RABGAP1: variants seen among roughly 807,000 people sequenced by gnomAD.
RABGAP1 encodes the protein rab GTPase-activating protein 1.
A neutral mutation model predicts 137.6 loss-of-function variants in RABGAP1; 23 were observed. The ratio of observed to expected loss-of-function variants is 0.17; its 90% confidence interval spans 0.12 to 0.24. The LOEUF is 0.24. Ranked by LOEUF, RABGAP1 falls within the 10% of genes least tolerant of loss-of-function variation. RABGAP1 has a pLI of 1.00. For synonymous variants in RABGAP1, 451 were observed against 450.7 expected, an observed-to-expected ratio of 1.00 and a Z score of -0.01; for missense variants, 906 against 1,275.8, an observed-to-expected ratio of 0.71 and a Z score of 4.42.
At position 122,962,890 on chromosome 9, in the gene RABGAP1, A is replaced by G. The variant is rs781208970; in HGVS notation, c.150+5681A>G. On this transcript the variant is annotated intron_variant, in intron 2 of 25. Coordinates refer to ENST00000373647, the MANE Select transcript of RABGAP1 (RefSeq NM_012197.4). ...AGATTTAAAATAAAAGGATGGAAAA[A>G]TATAATGCAAACAGCATTATAAGAA... is the stretch of plus-strand genomic sequence containing the variant. Among the ~76,000 whole-genome samples, 23 of 152,220 alleles carry G rather than the reference A, an allele frequency of 1.5e-4. 1 individual carries two copies. Among genetic ancestry groups the G allele is most frequent in the Non-Finnish European group, 2.9e-4 (20 of 68,042 alleles).
At chr9:123,078,165 A>G (rs921501702) in intron 19 of RABGAP1, among the ~76,000 whole-genome samples, 2 of 152,122 alleles carry the variant, frequency 1.3e-5, no homozygotes, top group South Asian at 2.1e-4. Context: ...TGGCTCCCCT[A>G]TCTGTTAAAG....
chr9:122,979,962 A>T (rs1835961413), intron 2 of RABGAP1, among the ~76,000 whole-genome samples: 1 of 152,244 alleles, frequency 6.6e-6, no homozygotes, highest in Admixed American at 6.5e-5. Flanking sequence ...TTCTGCTATA[A>T]GAAGTCTGGA....
intron 13 of RABGAP1, among the ~76,000 whole-genome samples, chr9:123,047,015 C>T (rs1051963928): frequency 3.3e-5 from 5 of 152,292 alleles, no homozygotes; most frequent in Admixed American, 6.5e-5. Context: ...CCTTTAGACT[C>T]AGTCATTCCA....
Position 122,990,333 on chromosome 9 carries a change from TCTG to T in RABGAP1, c.923+121_923+123del, listed in dbSNP as rs1338081824. Reference sequence around the variant, plus strand: ...TTAAAGGGAGGGCTTTTAAAAAAAATCTGGATGATAAAGGCATATAAATACATA... The same window carrying T: ...TTAAAGGGAGGGCTTTTAAAAAAAATGATGATAAAGGCATATAAATACATA... On this transcript the variant is annotated intron_variant, in intron 6 of 25. Transcript: ENST00000373647. 8 of 890,914 alleles carry T rather than the reference TCTG, an allele frequency of 9.0e-6. No homozygotes were observed. In the East Asian group the frequency reaches 2.5e-4, roughly 28 times the overall value. 55.2% of individuals were successfully genotyped at this position (890,914 alleles called of 1,614,324 possible).
intron 9 of RABGAP1, 104 bp from the exon 10 acceptor site, chr9:122,998,493 A>G (rs1837154041): frequency 1.0e-6 from 1 of 973,788 alleles, no homozygotes; most frequent in South Asian, 2.1e-5. Flanking sequence ...CACTTAAGGT[A>G]TTTTGAAAGT....
intron 1 of RABGAP1, among the ~76,000 whole-genome samples, chr9:122,955,914 T>C (rs1360184344): frequency 2.0e-5 from 3 of 152,240 alleles, no homozygotes; most frequent in Non-Finnish European, 2.9e-5. Flanking sequence ...CCATAGCTAC[T>C]TTTGTTAATG....
intron 13 of RABGAP1, among the ~76,000 whole-genome samples, chr9:123,031,606 A>T (rs2032303100): frequency 6.6e-6 from 1 of 152,246 alleles, no homozygotes; most frequent in East Asian, 1.9e-4. Flanking sequence ...AATGCATTTG[A>T]GAACTATTGT....
intron 13 of RABGAP1, chr9:123,063,324 G>A (rs983841864): frequency 1.3e-5 from 2 of 152,662 alleles, no homozygotes; most frequent in Admixed American, 1.3e-4. Context: ...ATTCTCTCTG[G>A]ATTGTTTCCA....
intron 1 of RABGAP1, among the ~76,000 whole-genome samples, chr9:122,945,147 C>CTTTTTTTTTTTTTTTTGTTTTTT (rs202090815): frequency 1.3e-5 from 1 of 75,772 alleles, no homozygotes; most frequent in Non-Finnish European, 2.9e-5. Context: ...ATAGCTGTTG[C>CTTTTTTTTTTTTTTTTGTTTTTT]TTTTTTTTTT....
intron 20 of RABGAP1, 52 bp downstream of exon 20, chr9:123,089,902 A>G (rs552853854): frequency 2.7e-6 from 4 of 1,476,608 alleles, no homozygotes; most frequent in East Asian, 4.7e-5. Context: ...TTCATTTCAT[A>G]TGATTGCGCC....
chr9:123,003,581 G>A (rs1468816344), intron 10 of RABGAP1, among the ~76,000 whole-genome samples: 1 of 152,078 alleles, frequency 6.6e-6, no homozygotes, highest in African/African-American at 2.4e-5. Flanking sequence ...ATATGTAAAT[G>A]CTTTTTAAGA....
rs1264500393 is a variant in RABGAP1 at position 123,011,372 on chromosome 9, A to G, written c.1549+844A>G. ...ATCAGTGGAGTTCCTTGGAATTTCT[A>G]GTTAAGAAGTTGCATTAACAAAAGC... is the stretch of plus-strand genomic sequence containing the variant. On this transcript the variant is annotated intron_variant, in intron 11 of 25. Coordinates refer to ENST00000373647, the MANE Select transcript of RABGAP1 (RefSeq NM_012197.4). Among the ~76,000 whole-genome samples the G allele has an allele frequency of 5.3e-5, 8 of 152,332 alleles. No homozygotes were observed. In the South Asian group the frequency reaches 1.5e-3, roughly 28 times the overall value.
chr9:123,034,938 C>T (rs1227041959), intron 13 of RABGAP1: 4 of 1,611,374 alleles, frequency 2.5e-6, no homozygotes, highest in Admixed American at 3.3e-5. Context: ...CCTGTATCAG[C>T]ATTGATAGAT....
At chr9:122,973,350 G>T (rs1835574364) in intron 2 of RABGAP1, among the ~76,000 whole-genome samples, 1 of 152,040 alleles carries the variant, frequency 6.6e-6, no homozygotes, top group African/African-American at 2.4e-5. Context: ...CCATTCCCCT[G>T]CCTCAGCCTC....
At chr9:123,065,700 G>A in intron 14 of RABGAP1, 1 of 442,726 alleles carries the variant, frequency 2.3e-6, no homozygotes, top group Admixed American at 3.5e-5. Flanking sequence ...TTAGATGACA[G>A]TTCCCTGGCT....
intron 21 of RABGAP1, among the ~76,000 whole-genome samples, chr9:123,090,894 C>G (rs1028737613): frequency 6.6e-6 from 1 of 152,184 alleles, no homozygotes. Context: ...TGATGTCTTT[C>G]CTGGCAGAAA....
At chr9:122,973,298 C>T (rs992231573) in intron 2 of RABGAP1, among the ~76,000 whole-genome samples, 3 of 152,096 alleles carry the variant, frequency 2.0e-5, no homozygotes, top group Admixed American at 6.5e-5. Context: ...AGTGCAGTGG[C>T]ATGATCCCTG....
chr9:123,009,038 G>C (rs1407512133), intron 10 of RABGAP1, among the ~76,000 whole-genome samples: 1 of 152,174 alleles, frequency 6.6e-6, no homozygotes, highest in Admixed American at 6.6e-5. Flanking sequence ...AGTAATCCTT[G>C]GGTGGACATG....
At chr9:122,969,240 G>A (rs1835341303) in intron 2 of RABGAP1, among the ~76,000 whole-genome samples, 2 of 152,182 alleles carry the variant, frequency 1.3e-5, no homozygotes, top group South Asian at 4.1e-4. Context: ...AGGAGTAACA[G>A]GCTATACCAT....
Sources: allele counts gnomAD v4.1 joint callset (sites outside exome capture counted in the v4.1 genomes callset), GRCh38; gene constraint gnomAD v4.1.1; transcripts MANE v1.5; gene names NCBI Gene and HGNC (gene_info 2026-07-23, HGNC 2026-07-21).